NCAM1: variants seen among roughly 807,000 people sequenced by gnomAD.
NCAM1 encodes antigen recognized by monoclonal antibody 5.1H11.
In NCAM1, 14 loss-of-function variants were observed where a neutral mutation model predicts 109.8. The ratio of observed to expected loss-of-function variants is 0.13; its 90% confidence interval spans 0.08 to 0.20. NCAM1 has a LOEUF of 0.20. Among genes scored for constraint, NCAM1 ranks in the 10% least tolerant of loss-of-function variants. NCAM1 has a pLI of 1.00. For missense variants in NCAM1, 774 were observed against 1,109.9 expected, an observed-to-expected ratio of 0.70 and a Z score of 4.30; for synonymous variants, 418 against 442.9, an observed-to-expected ratio of 0.94 and a Z score of 0.70.
intron 9 of NCAM1, among the ~76,000 whole-genome samples, chr11:113,224,701 A>G (rs1445360884): frequency 6.6e-6 from 1 of 152,212 alleles, no homozygotes; most frequent in Non-Finnish European, 1.5e-5. Context: ...GCAGACTGAC[A>G]CCTCACACGG....
In NCAM1 at chr11:112,992,795, C is replaced by T. The variant is rs191180340; in HGVS notation, c.52+31131C>T. Among the ~76,000 whole-genome samples the T allele has an allele frequency of 6.8e-4, 103 of 152,288 alleles. 1 individual carries two copies. Among genetic ancestry groups the T allele is most frequent in the African/African-American group, 2.4e-3 (100 of 41,572 alleles). ...GTGCTGGGATTACAGGCGTGAGCCA[C>T]CGCACCCGGCCTGAAAAATCACTGA... On this transcript the variant is annotated intron_variant, in intron 1 of 19. Coordinates refer to ENST00000316851, the MANE Select transcript of NCAM1 (RefSeq NM_181351.5).
intron 1 of NCAM1, among the ~76,000 whole-genome samples, chr11:113,031,078 A>G (rs1555078256): frequency 6.6e-6 from 1 of 152,228 alleles, no homozygotes; most frequent in Non-Finnish European, 1.5e-5. Context: ...ATGCAGGATT[A>G]GTTTCCTGGG....
At chr11:113,241,186 T>A (rs1945316045) in intron 14 of NCAM1, among the ~76,000 whole-genome samples, 1 of 152,206 alleles carries the variant, frequency 6.6e-6, no homozygotes, top group Admixed American at 6.5e-5. Context: ...AAGAAAAATG[T>A]CTCCTCTGCA....
intron 1 of NCAM1, among the ~76,000 whole-genome samples, chr11:112,975,358 C>T (rs782677976): frequency 3.3e-5 from 5 of 151,918 alleles, no homozygotes; most frequent in Admixed American, 6.6e-5. Flanking sequence ...AAATAACTCC[C>T]GTATTCTATG....
At chr11:113,054,353 T>G (rs782426405) in intron 1 of NCAM1, among the ~76,000 whole-genome samples, 5 of 152,154 alleles carry the variant, frequency 3.3e-5, no homozygotes, top group Non-Finnish European at 7.4e-5. Context: ...GCTGGTGTGT[T>G]TACCAACTTA....
At chr11:113,014,434 A>G (rs782414834) in intron 1 of NCAM1, among the ~76,000 whole-genome samples, 2 of 152,136 alleles carry the variant, frequency 1.3e-5, no homozygotes, top group Non-Finnish European at 2.9e-5. Context: ...AGTTATTCCC[A>G]TAGGGCTCAT....
chr11:113,225,700 CA>C (rs1473331957), intron 9 of NCAM1, among the ~76,000 whole-genome samples: 1 of 152,212 alleles, frequency 6.6e-6, no homozygotes, highest in African/African-American at 2.4e-5. Context: ...GGGTTACCCA[CA>C]AAGGGAAGCC....
intron 9 of NCAM1, among the ~76,000 whole-genome samples, chr11:113,226,079 A>C (rs1429780956): frequency 1.3e-5 from 2 of 152,216 alleles, no homozygotes; most frequent in Non-Finnish European, 2.9e-5. Flanking sequence ...TTCACACATA[A>C]CAATATAAAC....
chr11:113,173,436 C>T lies in NCAM1; in HGVS notation c.53-28943C>T, dbSNP rs567704363. 7.2e-5 allele frequency among the ~76,000 whole-genome samples: 11 copies of T among 151,836 alleles called. No individual in the cohort carries two copies. The South Asian group carries it at 2.1e-3, about 29-fold the overall frequency. The stretch of plus-strand genomic sequence containing the variant: ...GCTGTGCGATAGGGCAGATTACCCA[C>T]ACACTGGGCTAGAATGGGGGTCTGG... On this transcript the variant is annotated intron_variant, in intron 1 of 19. Coordinates refer to ENST00000316851, the MANE Select transcript of NCAM1 (RefSeq NM_181351.5).
rs73568773 is a variant in NCAM1 at position 113,106,007 on chromosome 11, A to G, written c.53-96372A>G. 6.2e-3 allele frequency among the ~76,000 whole-genome samples: 943 copies of G among 151,784 alleles called. 6 individuals are homozygous for G. The highest frequency in any genetic ancestry group is 0.022 in the African/African-American group (898 of 41,472). ...CAAAAACTAATTAGTTTTTTGTATA[A>G]CCAGTTACACAATTTGTGACATATA... On this transcript the variant is annotated intron_variant, in intron 1 of 19. Transcript: ENST00000316851.
intron 1 of NCAM1, among the ~76,000 whole-genome samples, chr11:113,025,514 T>C (rs1952510945): frequency 6.6e-6 from 1 of 152,034 alleles, no homozygotes; most frequent in Non-Finnish European, 1.5e-5. Flanking sequence ...AATGAATGAA[T>C]GAATGAATGA....
intron 14 of NCAM1, among the ~76,000 whole-genome samples, chr11:113,237,247 G>A (rs782615800): frequency 2.0e-5 from 3 of 152,124 alleles, no homozygotes; most frequent in Non-Finnish European, 2.9e-5. Flanking sequence ...CCAGAATAGC[G>A]GAGGGAGGTG....
chr11:113,246,521 C>T (rs376345669), intron 15 of NCAM1, among the ~76,000 whole-genome samples, 151 bp downstream of exon 15: 9 of 152,212 alleles, frequency 5.9e-5, no homozygotes, highest in African/African-American at 2.2e-4. Context: ...TTCATCATTC[C>T]TTGCAAACTT....
intron 1 of NCAM1, among the ~76,000 whole-genome samples, chr11:113,148,373 T>TC (rs1942098044): frequency 6.7e-6 from 1 of 149,636 alleles, no homozygotes; most frequent in Non-Finnish European, 1.5e-5. Flanking sequence ...TTTTTTTTTT[T>TC]CCTTTTTTTT....
intron 1 of NCAM1, among the ~76,000 whole-genome samples, chr11:113,085,504 T>C (rs1939039234): frequency 6.6e-6 from 1 of 152,182 alleles, no homozygotes; most frequent in African/African-American, 2.4e-5. Context: ...TTCTCAAACT[T>C]TTCTCCTTAT....
Position 113,273,215 on chromosome 11 carries a change from C to T in NCAM1, c.2456+1339C>T, listed in dbSNP as rs1946324977. On this transcript the variant is annotated intron_variant, in intron 19 of 19. Coordinates refer to ENST00000316851, the MANE Select transcript of NCAM1 (RefSeq NM_181351.5). This position sits in a 1 kb window ranked among gnomAD's most constrained non-coding sequence, Gnocchi z 6.0. The stretch of plus-strand genomic sequence containing the variant: ...AGGTCGCCCCCCTCGTTGACCTGAG[C>T]GACACCCCGACCTCAACCCCTGCCG... 4 of 372,232 alleles carry T rather than the reference C, an allele frequency of 1.1e-5. No homozygotes were observed. Among genetic ancestry groups the T allele is most frequent in the South Asian group, 2.0e-5 (1 of 50,444 alleles). 23.1% of individuals were successfully genotyped at this position (372,232 alleles called of 1,614,324 possible). A position where few individuals can be genotyped will look rare whatever the true frequency, so the allele number is the denominator to read the frequency against.
At chr11:113,062,329 A>G (rs560336791) in intron 1 of NCAM1, among the ~76,000 whole-genome samples, 10 of 152,130 alleles carry the variant, frequency 6.6e-5, no homozygotes, top group Non-Finnish European at 1.2e-4. Flanking sequence ...GACATTTCAT[A>G]CAAATGGAAT....
intron 1 of NCAM1, among the ~76,000 whole-genome samples, chr11:113,051,982 T>C (rs1555081864): frequency 6.6e-6 from 1 of 152,232 alleles, no homozygotes. Context: ...GCACTGGTCT[T>C]CCAGATGCAA....
chr11:113,151,918 A>G (rs1942238294), intron 1 of NCAM1, among the ~76,000 whole-genome samples: 1 of 152,232 alleles, frequency 6.6e-6, no homozygotes, highest in African/African-American at 2.4e-5. Context: ...CAGAACAGAA[A>G]GATCCCCAGC....
Sources: allele counts gnomAD v4.1 joint callset (sites outside exome capture counted in the v4.1 genomes callset), GRCh38; gene constraint gnomAD v4.1.1; non-coding constraint Gnocchi (gnomAD v3.1); transcripts MANE v1.5; gene names NCBI Gene and HGNC (gene_info 2026-07-23, HGNC 2026-07-21).